Variants in DIAPH2 observed in about 807,000 individuals in gnomAD.
The protein encoded by DIAPH2 is diaphanous related formin 2, also known as protein diaphanous homolog 2.
Under a neutral mutation model 92.7 loss-of-function variants are expected in DIAPH2, and 35 were observed. That is an observed-to-expected ratio of 0.38 (90% CI 0.29 to 0.50). The LOEUF is 0.50. DIAPH2 is among the 20% of genes least tolerant of loss of function. DIAPH2 has a pLI of 0.94. For synonymous variants in DIAPH2, 301 were observed against 280.4 expected, an observed-to-expected ratio of 1.07 and a Z score of -0.73; for missense variants, 701 against 819.5, an observed-to-expected ratio of 0.86 and a Z score of 1.77.
At chrX:97,529,999 G>T (rs145785189) in intron 26 of DIAPH2, among the ~76,000 whole-genome samples, 1,684 of 112,104 alleles carry the variant, frequency 0.015, 39 homozygotes, top group African/African-American at 0.051. Context: ...TCTCAAGCAA[G>T]GAAAACTACA....
chrX:97,400,185 T>C (rs956502997), intron 25 of DIAPH2, among the ~76,000 whole-genome samples: 1 of 112,340 alleles, frequency 8.9e-6, no homozygotes, highest in Non-Finnish European at 1.9e-5. Context: ...GCTGAACTCA[T>C]TAGCAAAGAT....
At chrX:97,439,759 G>A (rs1490991378) in intron 26 of DIAPH2, among the ~76,000 whole-genome samples, 1 of 77,023 alleles carries the variant, frequency 1.3e-5, no homozygotes, top group Admixed American at 1.5e-4. Context: ...AATAAAAGAG[G>A]GGCGGGGGGT....
At chrX:96,952,447 TA>T (rs1185480887) in intron 15 of DIAPH2, among the ~76,000 whole-genome samples, 5 of 112,031 alleles carry the variant, frequency 4.5e-5, no homozygotes, top group Non-Finnish European at 9.4e-5. Flanking sequence ...TTTCTAAAGA[TA>T]TTTATGGCTG....
chrX:97,587,379 T>C (rs2071486216), intron 26 of DIAPH2, among the ~76,000 whole-genome samples: 1 of 111,411 alleles, frequency 9.0e-6, no homozygotes, highest in African/African-American at 3.3e-5. Context: ...GACAAATCTG[T>C]CCAGACAACT....
intron 17 of DIAPH2, among the ~76,000 whole-genome samples, chrX:97,034,691 C>G (rs1316208578): frequency 9.0e-6 from 1 of 110,769 alleles, no homozygotes; most frequent in Admixed American, 9.6e-5. Flanking sequence ...AAACTAGATT[C>G]AGAACATTAC....
At chrX:97,128,366 C>T (rs1165467637) in intron 21 of DIAPH2, among the ~76,000 whole-genome samples, 6 of 110,956 alleles carry the variant, frequency 5.4e-5, no homozygotes, top group Admixed American at 1.9e-4. Flanking sequence ...GGGTTTTGGC[C>T]GGCTCCTTTA....
intron 26 of DIAPH2, among the ~76,000 whole-genome samples, chrX:97,563,310 G>A (rs2071306056): frequency 8.9e-6 from 1 of 111,883 alleles, no homozygotes; most frequent in Non-Finnish European, 1.9e-5. Context: ...AGGATGTTTG[G>A]CAGATTAATC....
intron 26 of DIAPH2, among the ~76,000 whole-genome samples, chrX:97,578,495 T>A (rs1357110425): frequency 3.0e-5 from 3 of 101,383 alleles, no homozygotes; most frequent in Non-Finnish European, 6.0e-5. Flanking sequence ...ACAAAGGACA[T>A]GAACTCATCA....
chrX:97,342,445 T>TA (rs1376292331), intron 23 of DIAPH2, among the ~76,000 whole-genome samples: 1 of 112,570 alleles, frequency 8.9e-6, no homozygotes, highest in Non-Finnish European at 1.9e-5. Context: ...TGTGTGACCT[T>TA]ATGCAATTAT....
In DIAPH2 at chrX:97,051,087, C is replaced by T. The variant is rs777295292; in HGVS notation, c.2051-21854C>T. On this transcript the variant is annotated intron_variant, in intron 17 of 26. Coordinates refer to ENST00000324765, the MANE Select transcript of DIAPH2 (RefSeq NM_006729.5). ...ATTGATTCAAAGAGACTTTAAATTT[C>T]TACAGCAAATCACATTTTATCCCTT... 2.2e-4 allele frequency among the ~76,000 whole-genome samples: 25 copies of T among 111,704 alleles called. 1 individual carries two copies. The highest frequency in any genetic ancestry group is 7.6e-5 in the Non-Finnish European group (4 of 52,764).
chrX:97,165,486 TTTTGTTTG>T (rs894854662), intron 22 of DIAPH2, among the ~76,000 whole-genome samples: 2 of 110,493 alleles, frequency 1.8e-5, no homozygotes, highest in East Asian at 5.7e-4. Flanking sequence ...TATTTTGGAG[TTTTGTTTG>T]TTTGTTTGTT....
At chrX:97,170,515 C>T (rs183588408) in intron 22 of DIAPH2, among the ~76,000 whole-genome samples, 49 of 111,732 alleles carry the variant, frequency 4.4e-4, no homozygotes, top group Non-Finnish European at 8.7e-4. Context: ...CAACATGAGC[C>T]TGACAAGTCC....
chrX:97,300,873 T>A (rs147511457), intron 23 of DIAPH2, among the ~76,000 whole-genome samples: 1,414 of 86,182 alleles, frequency 0.016, 10 homozygotes, highest in Non-Finnish European at 0.024. Flanking sequence ...CGGAGGTTGC[T>A]GTGAGCCGAG....
intron 24 of DIAPH2, among the ~76,000 whole-genome samples, chrX:97,381,986 GATAAT>G (rs2069554054): frequency 9.1e-6 from 1 of 110,297 alleles, no homozygotes; most frequent in African/African-American, 3.3e-5. Context: ...CCATTAGATT[GATAAT>G]ATAATAGTCC....
intron 1 of DIAPH2, among the ~76,000 whole-genome samples, chrX:96,705,212 G>T (rs2063878580): frequency 9.1e-6 from 1 of 110,384 alleles, no homozygotes; most frequent in South Asian, 3.9e-4. Context: ...CTCATGATCC[G>T]CCCGCCTCGG....
intron 23 of DIAPH2, among the ~76,000 whole-genome samples, chrX:97,275,032 G>A (rs1044351556): frequency 8.9e-6 from 1 of 111,886 alleles, no homozygotes; most frequent in East Asian, 2.8e-4. Flanking sequence ...AGTCTCCCAT[G>A]TCCACTTCTT....
chrX:97,171,797 A>G (rs1351000724), intron 22 of DIAPH2, among the ~76,000 whole-genome samples: 2 of 110,757 alleles, frequency 1.8e-5, no homozygotes, highest in African/African-American at 3.3e-5. Context: ...AAAATCAGCC[A>G]GGCGTTGGGG....
chrX:97,324,382 C>A, intron 23 of DIAPH2, among the ~76,000 whole-genome samples: 1 of 112,457 alleles, frequency 8.9e-6, no homozygotes, highest in Non-Finnish European at 1.9e-5. Flanking sequence ...TGCCTGCCAG[C>A]TGTTTGGAAA....
intron 5 of DIAPH2, chrX:96,884,805 C>A: frequency 8.3e-7 from 1 of 1,211,276 alleles, no homozygotes; most frequent in South Asian, 1.8e-5. Context: ...TCAATGCACA[C>A]ATGATGCTGG....
Sources: allele counts gnomAD v4.1 joint callset (sites outside exome capture counted in the v4.1 genomes callset), GRCh38; gene constraint gnomAD v4.1.1; transcripts MANE v1.5; gene names NCBI Gene and HGNC (gene_info 2026-07-23, HGNC 2026-07-21).